MAML3: variants seen among roughly 807,000 people sequenced by gnomAD.
The protein encoded by MAML3 is mastermind-like protein 3.
In MAML3, 27 loss-of-function variants were observed where a neutral mutation model predicts 101.9. That is an observed-to-expected ratio of 0.27 (90% CI 0.20 to 0.37). MAML3 has a LOEUF of 0.37. Among genes scored for constraint, MAML3 ranks in the 10% least tolerant of loss-of-function variants. The pLI is 1.00. For missense variants in MAML3, 1,316 were observed against 1,444.9 expected (o/e 0.91, Z 1.45); for synonymous variants, 501 against 555.9 (o/e 0.90, Z 1.39).
intron 1 of MAML3, among the ~76,000 whole-genome samples, chr4:140,049,288 G>A (rs1315235368): frequency 6.6e-6 from 1 of 152,180 alleles, no homozygotes; most frequent in Non-Finnish European, 1.5e-5. Context: ...AGGTGGGAGG[G>A]AGAGGAGGAC....
chr4:140,106,608 T>C (rs1274853031), intron 1 of MAML3, among the ~76,000 whole-genome samples: 1 of 152,248 alleles, frequency 6.6e-6, no homozygotes, highest in Non-Finnish European at 1.5e-5. Context: ...TAAAATTGTA[T>C]AGGAATTCAT....
intron 2 of MAML3, among the ~76,000 whole-genome samples, chr4:139,865,642 C>T (rs1038775181): frequency 1.5e-4 from 23 of 152,150 alleles, no homozygotes; most frequent in African/African-American, 5.6e-4. Flanking sequence ...TTATCCTCTT[C>T]CCCCCAAAAT....
chr4:140,011,258 A>G (rs1231164315), intron 1 of MAML3, among the ~76,000 whole-genome samples: 1 of 143,226 alleles, frequency 7.0e-6, no homozygotes, highest in Non-Finnish European at 1.5e-5. Context: ...ATATATGACA[A>G]ACAGACCCAA....
rs187858360 is a variant in MAML3, at chr4:139,988,092, C to T, written c.469-97125G>A. ...GTATAATCCTAGCACTTTAGTAGGCCGAGGCGGGCGGATCACCTGAGGTCA... is the reference window on the plus strand; with the variant it reads ...GTATAATCCTAGCACTTTAGTAGGCTGAGGCGGGCGGATCACCTGAGGTCA... On this transcript the variant is annotated intron_variant, in intron 1 of 4. Coordinates refer to ENST00000509479, the MANE Select transcript of MAML3 (RefSeq NM_018717.5). 1.4e-3 allele frequency among the ~76,000 whole-genome samples: 201 copies of T among 148,726 alleles called. 1 individual carries two copies. Among genetic ancestry groups the T allele is most frequent in the South Asian group, 4.7e-3 (22 of 4,676 alleles).
At chr4:139,806,800 T>C (rs1348058933) in intron 2 of MAML3, among the ~76,000 whole-genome samples, 2 of 152,266 alleles carry the variant, frequency 1.3e-5, no homozygotes, top group Non-Finnish European at 2.9e-5. Context: ...CTCAATAATA[T>C]AGGTGAACAA....
At chr4:139,754,167 C>A (rs567533963) in intron 2 of MAML3, among the ~76,000 whole-genome samples, 2 of 152,254 alleles carry the variant, frequency 1.3e-5, no homozygotes, top group East Asian at 1.9e-4. Flanking sequence ...ATAATGCAAA[C>A]AATATTACTA....
intron 2 of MAML3, among the ~76,000 whole-genome samples, chr4:139,866,741 G>C (rs1273710773): frequency 6.6e-6 from 1 of 152,182 alleles, no homozygotes; most frequent in East Asian, 1.9e-4. Flanking sequence ...GACGAAGGGT[G>C]GGGGAGCAGT....
At chr4:139,765,970 C>G (rs1052679588) in intron 2 of MAML3, among the ~76,000 whole-genome samples, 5 of 152,028 alleles carry the variant, frequency 3.3e-5, no homozygotes, top group Admixed American at 3.3e-4. Context: ...CTGGGCAATA[C>G]AGTGAGACCC....
rs891583965 is a variant in MAML3 at position 140,069,421 on chromosome 4, G to A, written c.468+83439C>T. 5.4e-3 allele frequency among the ~76,000 whole-genome samples: 145 copies of A among 26,754 alleles called. 2 individuals are homozygous for A. Among genetic ancestry groups the A allele is most frequent in the Admixed American group, 0.015 (30 of 2,060 alleles). The allele number at this position is 26,754 out of a possible 152,430, so 17.6% of individuals were successfully genotyped here. ...GAGGAGGAGGAGGAGGAGGAGGAGG[G>A]GAAGGAGGAGAAGGAGGAGAAGGAG... On this transcript the variant is annotated intron_variant, in intron 1 of 4. Transcript: ENST00000509479.
At chr4:139,906,699 T>A (rs1732827969) in intron 1 of MAML3, among the ~76,000 whole-genome samples, 2 of 152,226 alleles carry the variant, frequency 1.3e-5, no homozygotes, top group African/African-American at 4.8e-5. Flanking sequence ...AAGTATGTAT[T>A]TCAATGGTTT....
chr4:140,088,312 C>A (rs1157423170), intron 1 of MAML3, among the ~76,000 whole-genome samples: 2 of 152,104 alleles, frequency 1.3e-5, no homozygotes, highest in East Asian at 3.9e-4. Flanking sequence ...AGGGAGAACC[C>A]TTTCCCTCCT....
chr4:140,109,137 T>A (rs547723088), intron 1 of MAML3, among the ~76,000 whole-genome samples: 3 of 152,126 alleles, frequency 2.0e-5, no homozygotes, highest in African/African-American at 7.2e-5. Flanking sequence ...TATCAATGTT[T>A]AAAAGAGAAG....
chr4:139,742,840 C>A (rs749275478), intron 2 of MAML3, among the ~76,000 whole-genome samples: 2 of 152,126 alleles, frequency 1.3e-5, no homozygotes, highest in Non-Finnish European at 2.9e-5. Flanking sequence ...ACCTTTTTGA[C>A]TATAACAATA....
At chr4:139,855,681 T>C (rs531004042) in intron 2 of MAML3, among the ~76,000 whole-genome samples, 47 of 152,330 alleles carry the variant, frequency 3.1e-4, no homozygotes, top group Non-Finnish European at 3.5e-4. Flanking sequence ...TTTATATACA[T>C]TATCTCATCT....
chr4:140,012,903 C>T (rs1726586110), intron 1 of MAML3, among the ~76,000 whole-genome samples: 1 of 152,198 alleles, frequency 6.6e-6, no homozygotes, highest in Admixed American at 6.5e-5. Context: ...AAAATGTAAA[C>T]AAGAGCCATT....
intron 2 of MAML3, among the ~76,000 whole-genome samples, chr4:139,786,289 C>T (rs1378717440): frequency 6.6e-6 from 1 of 151,714 alleles, no homozygotes; most frequent in Non-Finnish European, 1.5e-5. Flanking sequence ...TTATGGCAGC[C>T]CAAGCAGACT....
intron 1 of MAML3, among the ~76,000 whole-genome samples, chr4:139,956,828 C>G (rs1733925013): frequency 6.6e-6 from 1 of 152,206 alleles, no homozygotes; most frequent in African/African-American, 2.4e-5. Context: ...CCTGCTGTCC[C>G]TGACAAAAGG....
At chr4:140,054,643 C>G (rs1392884774) in intron 1 of MAML3, among the ~76,000 whole-genome samples, 5 of 152,200 alleles carry the variant, frequency 3.3e-5, no homozygotes, top group Non-Finnish European at 5.9e-5. Context: ...TGCAAGGCTT[C>G]CACATCTATG....
chr4:139,967,832 G>A (rs889557209), intron 1 of MAML3, among the ~76,000 whole-genome samples: 1 of 151,950 alleles, frequency 6.6e-6, no homozygotes, highest in African/African-American at 2.4e-5. Flanking sequence ...TGCCATACTT[G>A]TATTTAAAGT....
Sources: allele counts gnomAD v4.1 joint callset (sites outside exome capture counted in the v4.1 genomes callset), GRCh38; gene constraint gnomAD v4.1.1; transcripts MANE v1.5; gene names NCBI Gene and HGNC (gene_info 2026-07-23, HGNC 2026-07-21).